The following MTHFD1 variants were observed in gnomAD, a reference collection of about 807,000 sequenced individuals.
The protein encoded by MTHFD1 is C-1-tetrahydrofolate synthase, cytoplasmic.
Under a neutral mutation model 110.3 loss-of-function variants are expected in MTHFD1, and 44 were observed. The ratio of observed to expected loss-of-function variants is 0.40; its 90% CI spans 0.31 to 0.51. The LOEUF is 0.51. MTHFD1 is among the 20% of genes least tolerant of loss of function. The pLI is 0.60. For synonymous variants in MTHFD1, 402 were observed against 428.8 expected, an observed-to-expected ratio of 0.94 and a Z score of 0.77; for missense variants, 909 against 1,173.1, an observed-to-expected ratio of 0.77 and a Z score of 3.29.
Position 64,388,477 on chromosome 14 carries a change from C to T in MTHFD1, c.41+9C>T. Reference sequence around the variant, plus strand: ...GGGAAGGAGATCTCCGCGTAAGCACCTGACATTGTTGTTGAGTGTGGGGCT... The same window carrying T: ...GGGAAGGAGATCTCCGCGTAAGCACTTGACATTGTTGTTGAGTGTGGGGCT... On this transcript the variant is annotated intron_variant, in intron 1 of 27. Coordinates refer to ENST00000652337, the MANE Select transcript of MTHFD1 (RefSeq NM_005956.4). 3 of 1,612,932 alleles carry T rather than the reference C, an allele frequency of 1.9e-6. No homozygotes were observed. The highest frequency in any genetic ancestry group is 2.5e-6 in the Non-Finnish European group (3 of 1,179,456).
intron 4 of MTHFD1, among the ~76,000 whole-genome samples, chr14:64,414,204 A>G (rs1449908952): frequency 6.6e-6 from 1 of 151,160 alleles, no homozygotes; most frequent in Non-Finnish European, 1.5e-5. Context: ...GCTGGTCTCA[A>G]ACTACTGACC....
chr14:64,426,431 T>G (rs538481080), intron 11 of MTHFD1, among the ~76,000 whole-genome samples: 1 of 152,354 alleles, frequency 6.6e-6, no homozygotes, highest in East Asian at 1.9e-4. Context: ...AGTTTGGTCT[T>G]AAAACCCGGT....
At chr14:64,433,278 C>A (rs546989152) in intron 15 of MTHFD1, among the ~76,000 whole-genome samples, 1 of 151,840 alleles carries the variant, frequency 6.6e-6, no homozygotes, top group South Asian at 2.1e-4. Context: ...GCCACCATGC[C>A]CAGCTAATTT....
chr14:64,416,692 C>A (rs1409835261), intron 6 of MTHFD1, among the ~76,000 whole-genome samples: 2 of 152,106 alleles, frequency 1.3e-5, no homozygotes, highest in African/African-American at 4.8e-5. Flanking sequence ...AAGAAAAGGT[C>A]AAAGGTCAAG....
Position 64,441,421 on chromosome 14 carries a change from G to A in MTHFD1, c.1852G>A (p.Ala618Thr), listed in dbSNP as rs749749972. 3 of 1,613,990 alleles carry A rather than the reference G, an allele frequency of 1.9e-6. No homozygotes were observed. Among genetic ancestry groups the A allele is most frequent in the African/African-American group, 1.3e-5 (1 of 75,038 alleles). ...SGALTVLMKD[A>T]IKPNLMQTLE... ...TGCACTGACAGTGCTTATGAAGGAC[G>A]CAATCAAGCCCAATCTCATGCAGAC... Residue 618 changes from alanine to threonine, a missense_variant, in exon 19 of 28, where the codon GCA becomes ACA. By Grantham distance (58) the Ala-to-Thr change is moderately conservative. Around this residue, in one of 3 missense-constraint regions of MTHFD1, gnomAD observed 482 missense variants for 646.0 expected, o/e 0.75. Transcript: ENST00000652337.
chr14:64,430,046 C>CA (rs1267119573), intron 12 of MTHFD1, 138 bp from the exon 13 acceptor site: 1 of 827,322 alleles, frequency 1.2e-6, no homozygotes, highest in Non-Finnish European at 2.1e-6. Context: ...AACACTTGAT[C>CA]AAAACTGTCC....
chr14:64,435,910 T>C lies in MTHFD1; in HGVS notation c.1597+239T>C, dbSNP rs1044203023. Reference sequence around the variant, plus strand: ...CGAACATTTTGCTGGCTATTCAGTGTTGACTGAAATTAGGGTAGTTAAACC... The same window carrying C: ...CGAACATTTTGCTGGCTATTCAGTGCTGACTGAAATTAGGGTAGTTAAACC... On this transcript the variant is annotated intron_variant, in intron 16 of 27. Coordinates refer to ENST00000652337, the MANE Select transcript of MTHFD1 (RefSeq NM_005956.4). 4.6e-5 allele frequency among the ~76,000 whole-genome samples: 7 copies of C among 152,348 alleles called. No homozygotes were observed. In the East Asian group the frequency reaches 1.2e-3, roughly 25 times the overall value.
chr14:64,448,077 G>C (rs2078309398), intron 22 of MTHFD1, 140 bp from the exon 23 acceptor site: 5 of 706,928 alleles, frequency 7.1e-6, no homozygotes, highest in South Asian at 1.5e-5. Flanking sequence ...TGCACCAAGG[G>C]ACCTTCTCTC....
chr14:64,406,488 TG>T, intron 2 of MTHFD1, among the ~76,000 whole-genome samples: 1 of 147,774 alleles, frequency 6.8e-6, no homozygotes, highest in African/African-American at 2.5e-5. Flanking sequence ...TTTTTATTTG[TG>T]GTTTTTTTTT....
intron 15 of MTHFD1, among the ~76,000 whole-genome samples, chr14:64,434,821 GTTT>G (rs34280342): frequency 1.6e-5 from 2 of 128,982 alleles, no homozygotes; most frequent in Non-Finnish European, 1.7e-5. Context: ...GATGAATTCT[GTTT>G]TTTTTTTTTT....
intron 25 of MTHFD1, among the ~76,000 whole-genome samples, chr14:64,454,217 A>T (rs2078426377): frequency 6.6e-6 from 1 of 152,076 alleles, no homozygotes; most frequent in South Asian, 2.1e-4. Flanking sequence ...GGCTCAAGCG[A>T]TCCTCCCACC....
chr14:64,449,470 C>T lies in MTHFD1; in HGVS notation c.2305C>T (p.Leu769Phe), dbSNP rs17857382. The change falls in exon 24 of 28, where the codon CTC becomes TTC. Residue 769 changes from leucine to phenylalanine, a missense_variant. Physicochemically the swap from Leu to Phe is conservative, Grantham distance 22. Coordinates refer to ENST00000652337, the MANE Select transcript of MTHFD1 (RefSeq NM_005956.4). ...FKTDTESELDLISRLSREHGA... is the reference protein window; with the variant it reads ...FKTDTESELDFISRLSREHGA... ...GACGGATACAGAGTCTGAGCTGGACCTCATCAGCCGCCTTTCCAGAGAACA... is the reference window on the plus strand; with the variant it reads ...GACGGATACAGAGTCTGAGCTGGACTTCATCAGCCGCCTTTCCAGAGAACA... 5.5e-3 allele frequency: 8,875 copies of T among 1,613,774 alleles called. 402 individuals are homozygous for T. In the African/African-American group the frequency reaches 0.1, roughly 19 times the overall value.
chr14:64,441,162 A>T, intron 18 of MTHFD1: 1 of 510,728 alleles, frequency 2.0e-6, no homozygotes, highest in Non-Finnish European at 3.7e-6. Context: ...ACTGCACTCC[A>T]GCCTGGGCAA....
intron 1 of MTHFD1, among the ~76,000 whole-genome samples, chr14:64,391,723 G>A (rs1418629337): frequency 6.6e-6 from 1 of 152,176 alleles, no homozygotes; most frequent in Non-Finnish European, 1.5e-5. Context: ...CCCTCACGGG[G>A]AATTCTAAGT....
rs749070982 is a variant in MTHFD1 at position 64,408,597 on chromosome 14, C to T, written c.127-2493C>T. The stretch of plus-strand genomic sequence containing the variant: ...AGCCACCATGCCCGGCCAGAATACA[C>T]GTTCTTTAAACATTCTTTTTGCATC... On this transcript the variant is annotated intron_variant, in intron 2 of 27. Transcript: ENST00000652337. Among the ~76,000 whole-genome samples, 5 of 152,256 alleles carry T rather than the reference C, an allele frequency of 3.3e-5. No individual in the cohort carries two copies. In the East Asian group the frequency reaches 5.8e-4, roughly 18 times the overall value.
rs1041964760 is a variant in MTHFD1 at position 64,410,412 on chromosome 14, G to C, written c.127-678G>C. Among the ~76,000 whole-genome samples the C allele has an allele frequency of 3.3e-5, 5 of 151,932 alleles. No individual in the cohort carries two copies. In the East Asian group the frequency reaches 7.8e-4, roughly 24 times the overall value. On this transcript the variant is annotated intron_variant, in intron 2 of 27. Coordinates refer to ENST00000652337, the MANE Select transcript of MTHFD1 (RefSeq NM_005956.4). Reference sequence around the variant, plus strand: ...TGGCTAATTTTTTGTAAAGATGGGGGGGGGGGTCTCACTATGTTGCCCAGG... The same window carrying C: ...TGGCTAATTTTTTGTAAAGATGGGGCGGGGGGTCTCACTATGTTGCCCAGG...
At chr14:64,388,621 C>A (rs2077782049) in intron 1 of MTHFD1, 153 bp downstream of exon 1, 2 of 745,436 alleles carry the variant, frequency 2.7e-6, no homozygotes. Flanking sequence ...GAAAGAGAAC[C>A]CGGGCACAAC....
chr14:64,389,506 A>G (rs2077788003), intron 1 of MTHFD1, among the ~76,000 whole-genome samples: 1 of 152,084 alleles, frequency 6.6e-6, no homozygotes, highest in East Asian at 1.9e-4. Flanking sequence ...TCTGGAGTTC[A>G]AGACCAGCCT....
chr14:64,403,429 A>C (rs1170232096), intron 2 of MTHFD1, among the ~76,000 whole-genome samples: 1 of 151,904 alleles, frequency 6.6e-6, no homozygotes, highest in Non-Finnish European at 1.5e-5. Flanking sequence ...TGCCACGCCC[A>C]GCTAATTTTT....
Sources: allele counts gnomAD v4.1 joint callset (sites outside exome capture counted in the v4.1 genomes callset), GRCh38; gene constraint gnomAD v4.1.1; regional missense constraint gnomAD v4.1.1; transcripts MANE v1.5; gene names NCBI Gene and HGNC (gene_info 2026-07-23, HGNC 2026-07-21).